The following PTPRT variants were observed in gnomAD, a reference collection of about 807,000 sequenced individuals.
PTPRT encodes protein tyrosine phosphatase receptor type T.
PTPRT carries 56 observed loss-of-function variants against 176.8 expected under a neutral mutation model. The ratio of observed to expected loss-of-function variants is 0.32; its 90% CI spans 0.26 to 0.40. The LOEUF (loss-of-function observed/expected upper bound fraction) is 0.40, where lower values mean the gene tolerates loss of function less well. PTPRT is among the 10% of genes least tolerant of loss of function. The probability of loss-of-function intolerance (pLI) is 1.00; values close to 1 mark genes in which losing one functional copy is unlikely to be tolerated. For synonymous variants in PTPRT, 783 were observed against 739.0 expected (o/e 1.06, Z -0.96); for missense variants, 1,540 against 1,908.2 (o/e 0.81, Z 3.60).
intron 1 of PTPRT, among the ~76,000 whole-genome samples, chr20:43,079,403 A>G (rs536716550): frequency 7.2e-5 from 11 of 152,160 alleles, no homozygotes; most frequent in African/African-American, 1.7e-4. Flanking sequence ...CTTCAATACA[A>G]ATGTTAGGAT....
At chr20:42,677,327 C>T (rs2075521462) in intron 7 of PTPRT, among the ~76,000 whole-genome samples, 1 of 151,908 alleles carries the variant, frequency 6.6e-6, no homozygotes, top group Non-Finnish European at 1.5e-5. Flanking sequence ...ACAACCAAAA[C>T]CAGAAGCCCC....
rs1161994908 is a variant in PTPRT, at chr20:42,646,882, C to CTTTTTTTT, written c.1153+30976_1153+30983dup. ...TCTAGAGATCCCAACCTAAGACAGC[C>CTTTTTTTT]TTTTTTTTTTTTTTTTTTTTTTTTT... is the stretch of plus-strand genomic sequence containing the variant. On this transcript the variant is annotated intron_variant, in intron 7 of 30. Transcript: ENST00000373187. Among the ~76,000 whole-genome samples the CTTTTTTTT allele has an allele frequency of 2.3e-3, 173 of 76,282 alleles. 28 individuals carry two copies. The highest frequency in any genetic ancestry group is 0.012 in the African/African-American group (163 of 13,366). 50.0% of individuals were successfully genotyped at this position (76,282 alleles called of 152,430 possible).
At chr20:42,558,866 C>T (rs2072904383) in intron 7 of PTPRT, among the ~76,000 whole-genome samples, 1 of 152,086 alleles carries the variant, frequency 6.6e-6, no homozygotes, top group Admixed American at 6.6e-5. Flanking sequence ...TTGGGATTCA[C>T]GCCAGCTTGG....
chr20:43,071,199 G>A (rs1356686997), intron 1 of PTPRT, among the ~76,000 whole-genome samples: 2 of 151,814 alleles, frequency 1.3e-5, no homozygotes, highest in Admixed American at 6.6e-5. Flanking sequence ...TGGCTGTCTT[G>A]CCTCCTTCTC....
intron 9 of PTPRT, among the ~76,000 whole-genome samples, chr20:42,425,410 A>G (rs1456067463): frequency 2.0e-5 from 3 of 152,154 alleles, no homozygotes; most frequent in Non-Finnish European, 2.9e-5. Context: ...AAATCATGCA[A>G]TATTTGTCTT....
In PTPRT at chr20:42,098,458, G is replaced by C. The variant is rs1293001861; in HGVS notation, c.3809C>G (p.Ser1270Cys). Residue 1270 changes from serine to cysteine, a missense_variant, in exon 27 of 31, where the codon TCC becomes TGC. Physicochemically the swap from Ser to Cys is moderately radical, Grantham distance 112. Coordinates refer to ENST00000373187, the MANE Select transcript of PTPRT (RefSeq NM_007050.6). ...FWRLVFDYNC[S>C]SVVMLNEMDT... ...CATCTCATTCAGCATCACCACAGAG[G>C]AGCAGTTGTAATCGAACACCAGCCT... 2.5e-6 allele frequency: 4 copies of C among 1,614,186 alleles called. No individual in the cohort carries two copies. In the South Asian group the frequency reaches 4.4e-5, roughly 18 times the overall value.
intron 1 of PTPRT, among the ~76,000 whole-genome samples, chr20:43,131,202 C>T (rs1386307344): frequency 6.6e-6 from 1 of 152,238 alleles, no homozygotes; most frequent in Non-Finnish European, 1.5e-5. Context: ...TCCACAGCTT[C>T]CCATCAGACT....
chr20:42,869,623 C>T (rs748437342), intron 2 of PTPRT, among the ~76,000 whole-genome samples: 1 of 152,132 alleles, frequency 6.6e-6, no homozygotes, highest in Non-Finnish European at 1.5e-5. Flanking sequence ...GAGCAATTTG[C>T]CTCAAGATGA....
At chr20:43,142,365 T>C (rs374776456) in intron 1 of PTPRT, among the ~76,000 whole-genome samples, 1 of 152,294 alleles carries the variant, frequency 6.6e-6, no homozygotes. Context: ...ATTTGAAAGT[T>C]GAAGATGGCA....
chr20:43,123,684 A>C (rs559109634), intron 1 of PTPRT, among the ~76,000 whole-genome samples: 37 of 152,272 alleles, frequency 2.4e-4, no homozygotes, highest in African/African-American at 8.9e-4. Context: ...GCAGAAATCA[A>C]TTTTTATCTT....
chr20:42,377,540 G>A (rs1201032331), intron 9 of PTPRT, among the ~76,000 whole-genome samples: 1 of 152,220 alleles, frequency 6.6e-6, no homozygotes, highest in Non-Finnish European at 1.5e-5. Context: ...AGGAGATTCT[G>A]ATGCTGTTGT....
chr20:43,033,649 C>T (rs1243055629), intron 1 of PTPRT, among the ~76,000 whole-genome samples: 1 of 152,206 alleles, frequency 6.6e-6, no homozygotes, highest in Admixed American at 6.5e-5. Context: ...CAATCTCCTT[C>T]TTTCACAGAG....
intron 1 of PTPRT, among the ~76,000 whole-genome samples, chr20:42,929,054 G>C (rs891684672): frequency 6.6e-6 from 1 of 152,214 alleles, no homozygotes; most frequent in African/African-American, 2.4e-5. Context: ...GATGGCAGCA[G>C]AGCAGGTACT....
chr20:42,740,311 G>A (rs1161609914), intron 6 of PTPRT, among the ~76,000 whole-genome samples: 3 of 152,176 alleles, frequency 2.0e-5, no homozygotes, highest in Non-Finnish European at 4.4e-5. Flanking sequence ...TCTGCACAGA[G>A]ACAGCTCCAT....
At chr20:43,049,646 T>C (rs1986972496) in intron 1 of PTPRT, among the ~76,000 whole-genome samples, 1 of 152,236 alleles carries the variant, frequency 6.6e-6, no homozygotes, top group Non-Finnish European at 1.5e-5. Context: ...GTTTAAACCC[T>C]AAATGATACC....
At chr20:42,518,448 A>C (rs555747044) in intron 7 of PTPRT, among the ~76,000 whole-genome samples, 2 of 152,116 alleles carry the variant, frequency 1.3e-5, no homozygotes, top group South Asian at 4.1e-4. Context: ...GATTTCTTTC[A>C]TGGTCACAGT....
At chr20:42,892,344 C>T (rs1381279133) in intron 1 of PTPRT, among the ~76,000 whole-genome samples, 2 of 152,186 alleles carry the variant, frequency 1.3e-5, no homozygotes, top group Non-Finnish European at 2.9e-5. Context: ...GAGCCCTAGA[C>T]TGGATGGTAC....
intron 9 of PTPRT, among the ~76,000 whole-genome samples, chr20:42,353,277 C>T (rs142871309): frequency 9.1e-4 from 139 of 152,236 alleles, no homozygotes; most frequent in Admixed American, 4.9e-3. Flanking sequence ...AGACAGATAG[C>T]GATTGCTGAC....
At chr20:42,450,702 C>T (rs900694917) in intron 8 of PTPRT, among the ~76,000 whole-genome samples, 1 of 152,022 alleles carries the variant, frequency 6.6e-6, no homozygotes, top group Non-Finnish European at 1.5e-5. Flanking sequence ...TATTGCTTTC[C>T]CTTATCCACC....
Sources: allele counts gnomAD v4.1 joint callset (sites outside exome capture counted in the v4.1 genomes callset), GRCh38; gene constraint gnomAD v4.1.1; transcripts MANE v1.5; gene names NCBI Gene and HGNC (gene_info 2026-07-23, HGNC 2026-07-21).